Variants in DCHS1 observed in about 807,000 individuals in gnomAD.
DCHS1 encodes the protein dachsous cadherin-related 1.
A neutral mutation model predicts 213.9 loss-of-function variants in DCHS1; 78 were observed. The observed-to-expected ratio is 0.36, with a 90% CI of 0.30 to 0.44. DCHS1 has a LOEUF of 0.44. Ranked by LOEUF, DCHS1 falls within the 20% of genes least tolerant of loss-of-function variation. DCHS1 has a pLI of 1.00. For missense variants in DCHS1, 3,946 were observed against 4,395.9 expected, an observed-to-expected ratio of 0.90 and a Z score of 2.89; for synonymous variants, 1,828 against 1,873.7, an observed-to-expected ratio of 0.98 and a Z score of 0.63.
Position 6,625,185 on chromosome 11 carries a change from TG to T in DCHS1, c.7146+12del. 6.4e-7 allele frequency: 1 copy of T among 1,570,362 alleles called. No individual in the cohort carries two copies. Among genetic ancestry groups the T allele is most frequent in the Non-Finnish European group, 8.6e-7 (1 of 1,157,048 alleles). On this transcript the variant is annotated intron_variant, in intron 19 of 20. Transcript: ENST00000299441. This position sits in a 1 kb window ranked among gnomAD's most constrained non-coding sequence, Gnocchi z 5.3. ...CCAGGCCCAGGTGTAGGTGGATCCA[TG>T]GGTGTCAATACCTGGTAGAGGCTCT...
Position 6,621,679 on chromosome 11 carries a change from T to A in DCHS1, c.*100A>T. 2 of 1,400,276 alleles carry A rather than the reference T, an allele frequency of 1.4e-6. No homozygotes were observed. The highest frequency in any genetic ancestry group is 2.5e-5 in the South Asian group (2 of 80,566). 86.7% of individuals were successfully genotyped at this position (1,400,276 alleles called of 1,614,324 possible). A position where few individuals can be genotyped will look rare whatever the true frequency, so the allele number is the denominator to read the frequency against. ...CTGGGGCCTGGTGGTGGCCTCCCCG[T>A]AGCCAGTCATAGTCCGAGGCTGCCC... is the stretch of plus-strand genomic sequence containing the variant. On this transcript the variant is annotated 3_prime_UTR_variant, in exon 21 of 21. Transcript: ENST00000299441.
In DCHS1 at chr11:6,640,388, T is replaced by G; in HGVS notation, c.1226A>C (p.Glu409Ala). ...TTGGGTGCTTAGGGCAAAGTGGCCC[T>G]CTCCACCTTCCAGGGACACATTGAC... ...AHVNVSLEGG[E>A]GHFALSTQDS... Residue 409 changes from glutamate (E) to alanine (A), a missense_variant, in exon 2 of 21, where the codon GAG (glutamate) becomes GCG (alanine). Around this residue, in one of 3 missense-constraint regions of DCHS1, gnomAD observed 3,384 missense variants for 3,780.1 expected, o/e 0.90. Transcript: ENST00000299441. This position sits in a 1 kb window ranked among gnomAD's most constrained non-coding sequence, Gnocchi z 6.5. The G allele has an allele frequency of 6.2e-7, 1 of 1,613,768 alleles. No homozygotes were observed. Among genetic ancestry groups the G allele is most frequent in the Non-Finnish European group, 8.5e-7 (1 of 1,179,792 alleles).
At chr11:6,634,469 C>T (rs1296586623) in intron 2 of DCHS1, among the ~76,000 whole-genome samples, 163 bp from the exon 3 acceptor site, 2 of 152,102 alleles carry the variant, frequency 1.3e-5, no homozygotes, top group Non-Finnish European at 2.9e-5. Context: ...TGTACCTCAC[C>T]ATTTAGTTAG....
In DCHS1 at chr11:6,627,185, C is replaced by T. The variant is rs377529145; in HGVS notation, c.5854G>A (p.Asp1952Asn). Residue 1952 changes from aspartate (D) to asparagine (N), a missense_variant, in exon 14 of 21, where the codon GAT becomes AAT. Around this residue, in one of 3 missense-constraint regions of DCHS1, gnomAD observed 3,384 missense variants for 3,780.1 expected, o/e 0.90. Coordinates refer to ENST00000299441, the MANE Select transcript of DCHS1 (RefSeq NM_003737.4). This position sits in a 1 kb window ranked among gnomAD's most constrained non-coding sequence, Gnocchi z 5.4. ...AAGGTGGGTGCATGGTCATTGACAT[C>T]GCGCACCGTGATGGTGACAGACACT... is the stretch of plus-strand genomic sequence containing the variant. ...TTVSVTITVR[D>N]VNDHAPTFPT... The T allele has an allele frequency of 4.3e-6, 7 of 1,612,844 alleles. No homozygotes were observed. The highest frequency in any genetic ancestry group is 5.9e-6 in the Non-Finnish European group (7 of 1,179,534).
Position 6,622,255 on chromosome 11 carries a change from G to A in DCHS1, c.9421C>T (p.Pro3141Ser). ...GDYGFPADGKPCVAGALTAIV... is the reference protein window; with the variant it reads ...GDYGFPADGKSCVAGALTAIV... ...GCTGTCAGCGCACCTGCCACACATG[G>A]CTTGCCATCTGCTGGGAAGCCATAG... The change falls in exon 21 of 21, where the codon CCA (proline) becomes TCA (serine). Residue 3141 changes from proline (P) to serine (S), a missense_variant. Physicochemically the swap from Pro to Ser is moderately conservative, Grantham distance 74 (BLOSUM62 -1). Around this residue, in one of 3 missense-constraint regions of DCHS1, gnomAD observed 554 missense variants for 590.2 expected, o/e 0.94. Transcript: ENST00000299441. This position sits in a 1 kb window ranked among gnomAD's most constrained non-coding sequence, Gnocchi z 5.4. 1 of 1,603,504 alleles carries A rather than the reference G, an allele frequency of 6.2e-7. No homozygotes were observed. Among genetic ancestry groups the A allele is most frequent in the Non-Finnish European group, 8.5e-7 (1 of 1,176,312 alleles).
At chr11:6,649,857 G>A (rs1271002489) in intron 1 of DCHS1, among the ~76,000 whole-genome samples, 3 of 152,324 alleles carry the variant, frequency 2.0e-5, no homozygotes, top group Non-Finnish European at 2.9e-5. Context: ...AATGTTGAAG[G>A]AGAAGAACAA....
Position 6,621,762 on chromosome 11 carries a change from C to T in DCHS1, c.*17G>A. Reference sequence around the variant, plus strand: ...ACACTGTGCGCATCCCAGGTCGGGGCCCAGCCTGGGCCACAGCTAGATGTG... The same window carrying T: ...ACACTGTGCGCATCCCAGGTCGGGGTCCAGCCTGGGCCACAGCTAGATGTG... On this transcript the variant is annotated 3_prime_UTR_variant, in exon 21 of 21. Coordinates refer to ENST00000299441, the MANE Select transcript of DCHS1 (RefSeq NM_003737.4). The T allele has an allele frequency of 6.4e-7, 1 of 1,562,198 alleles. No homozygotes were observed. The highest frequency in any genetic ancestry group is 1.2e-5 in the South Asian group (1 of 85,124).
Position 6,630,219 on chromosome 11 carries a change from A to C in DCHS1, c.4575T>G (p.Arg1525=), listed in dbSNP as rs1406091535. The change falls in exon 10 of 21, where the codon CGT becomes CGG. Residue 1525 remains arginine, a synonymous_variant. Coordinates refer to ENST00000299441, the MANE Select transcript of DCHS1 (RefSeq NM_003737.4). ...ATDRPANASR[R]RAARVSARVF... is the part of the protein sequence containing the mutation. Reference sequence around the variant, plus strand: ...CGCGCGCTGAAACGCGCGCTGCACGACGGCGGCTGGCGTTGGCGGGCCGGT... The same window carrying C: ...CGCGCGCTGAAACGCGCGCTGCACGCCGGCGGCTGGCGTTGGCGGGCCGGT... The C allele has an allele frequency of 6.4e-7, 1 of 1,563,646 alleles. No homozygotes were observed. The highest frequency in any genetic ancestry group is 8.6e-7 in the Non-Finnish European group (1 of 1,156,756).
At position 6,630,140 on chromosome 11, in the gene DCHS1, C is replaced by T; in HGVS notation, c.4654G>A (p.Val1552Met). 1.2e-6 allele frequency: 2 copies of T among 1,604,372 alleles called. No individual in the cohort carries two copies. The highest frequency in any genetic ancestry group is 1.7e-6 in the Non-Finnish European group (2 of 1,174,878). ...GGCGGCTGGTCCTCTGGGAGGCGCA[C>T]GCGTGACGGCGAGGCGAAGACAGGC... ...NAPVFASPSR[V>M]RLPEDQPPGP... The change falls in exon 10 of 21, where the codon GTG becomes ATG. Residue 1552 changes from valine (V) to methionine (M), a missense_variant. By Grantham distance (21) the Val-to-Met change is conservative. This residue lies in a region of DCHS1 where 3,384 missense variants were observed against 3,780.1 expected (regional missense o/e 0.90). Transcript: ENST00000299441.
Position 6,625,904 on chromosome 11 carries a change from C to T in DCHS1, c.6731+16G>A. Reference sequence around the variant, plus strand: ...GGCCCAAGATGGGGTCTTGGGTCCACAGGGCCAGGCCTCACCGTGTTTCAG... The same window carrying T: ...GGCCCAAGATGGGGTCTTGGGTCCATAGGGCCAGGCCTCACCGTGTTTCAG... On this transcript the variant is annotated intron_variant, in intron 17 of 20. Transcript: ENST00000299441. The surrounding 1 kb of genome is among the most constrained non-coding windows in gnomAD (Gnocchi z 5.3). 6.2e-7 allele frequency: 1 copy of T among 1,611,220 alleles called. No homozygotes were observed. Among genetic ancestry groups the T allele is most frequent in the Non-Finnish European group, 8.5e-7 (1 of 1,178,766 alleles).
rs1223447445 is a variant in DCHS1 at position 6,640,747 on chromosome 11, A to C, written c.867T>G (p.Ala289=). The C allele has an allele frequency of 1.2e-6, 2 of 1,613,990 alleles. No homozygotes were observed. The highest frequency in any genetic ancestry group is 1.6e-4 in the Middle Eastern group (1 of 6,062). ...ASDADAGVNG[A]VTYEINRRQS... Reference sequence around the variant, plus strand: ...GCCTCCGGTTGATCTCGTAAGTCACAGCCCCATTGACACCAGCATCGGCAT... The same window carrying C: ...GCCTCCGGTTGATCTCGTAAGTCACCGCCCCATTGACACCAGCATCGGCAT... Residue 289 remains alanine (A), a synonymous_variant, in exon 2 of 21, where the codon GCT becomes GCG. Coordinates refer to ENST00000299441, the MANE Select transcript of DCHS1 (RefSeq NM_003737.4). The surrounding 1 kb of genome is among the most constrained non-coding windows in gnomAD (Gnocchi z 6.5).
At chr11:6,648,121 A>G (rs1372128679) in intron 1 of DCHS1, among the ~76,000 whole-genome samples, 1 of 152,230 alleles carries the variant, frequency 6.6e-6, no homozygotes, top group Non-Finnish European at 1.5e-5. Context: ...AAGATATTCA[A>G]GCACAGCTGG....
chr11:6,621,530 G>T lies in DCHS1; in HGVS notation c.*249C>A. The T allele has an allele frequency of 1.6e-6, 1 of 638,972 alleles. No homozygotes were observed. The allele number at this position is 638,972 out of a possible 1,614,324, so 39.6% of individuals were successfully genotyped here. Reference sequence around the variant, plus strand: ...TGCAGGGCAGGGATCCCTCACTGAGGAGAACCCAGGGCTGCTACCTCCTTC... The same window carrying T: ...TGCAGGGCAGGGATCCCTCACTGAGTAGAACCCAGGGCTGCTACCTCCTTC... On this transcript the variant is annotated 3_prime_UTR_variant, in exon 21 of 21. Coordinates refer to ENST00000299441, the MANE Select transcript of DCHS1 (RefSeq NM_003737.4).
rs1202416855 is a variant in DCHS1, at chr11:6,641,131, G to A, written c.483C>T (p.Arg161=). The change falls in exon 2 of 21, where the codon CGC becomes CGT. Residue 161 remains arginine, a synonymous_variant. Coordinates refer to ENST00000299441, the MANE Select transcript of DCHS1 (RefSeq NM_003737.4). The surrounding 1 kb of genome is among the most constrained non-coding windows in gnomAD (Gnocchi z 7.1). ...CATCACGAGCAGGCTCCAGTGGGTA[G>A]CGGGTGCCAAAAGCTGTATGCTCAG... ...QVPEHTAFGT[R]YPLEPARDAD... is the part of the protein sequence containing the mutation. 1.2e-6 allele frequency: 2 copies of A among 1,613,702 alleles called. No individual in the cohort carries two copies. The highest frequency in any genetic ancestry group is 1.3e-5 in the African/African-American group (1 of 74,944).
In DCHS1 at chr11:6,630,251, C is replaced by A; in HGVS notation, c.4543G>T (p.Ala1515Ser). ...TTPALLLLVE[A>S]TDRPANASRR... The stretch of plus-strand genomic sequence containing the variant: ...CTGGCGTTGGCGGGCCGGTCGGTGG[C>A]TTCCACCAGCAGCAGCAGCGCGGGA... The change falls in exon 10 of 21, where the codon GCC becomes TCC. Residue 1515 changes from alanine (A) to serine (S), a missense_variant. Transcript: ENST00000299441. 6.5e-7 allele frequency: 1 copy of A among 1,545,288 alleles called. No homozygotes were observed.
chr11:6,653,888 A>G (rs1856279949), intron 1 of DCHS1, among the ~76,000 whole-genome samples: 1 of 152,220 alleles, frequency 6.6e-6, no homozygotes, highest in African/African-American at 2.4e-5. Flanking sequence ...GAGCGAGAAC[A>G]TCTGAAAGCT....
At chr11:6,633,135 A>G (rs1855938179) in intron 5 of DCHS1, 79 bp from the exon 6 acceptor site, 1 of 1,488,304 alleles carries the variant, frequency 6.7e-7, no homozygotes, top group Admixed American at 2.0e-5. Context: ...GATCCCGAGA[A>G]GGACTGGGCA....
chr11:6,640,495 G>C lies in DCHS1; in HGVS notation c.1119C>G (p.Pro373=), dbSNP rs751045847. 15 of 1,613,322 alleles carry C rather than the reference G, an allele frequency of 9.3e-6. No homozygotes were observed. The highest frequency in any genetic ancestry group is 1.6e-4 in the Middle Eastern group (1 of 6,062). ...TVIFLSADGS[P]QVSEAAPPGQ... ...CAGGTGGGGCGGCCTCAGACACTTG[G>C]GGGGAGCCATCTGCACTGAGAAAGA... The change falls in exon 2 of 21, where the codon CCC becomes CCG. Residue 373 remains proline (P), a synonymous_variant. Coordinates refer to ENST00000299441, the MANE Select transcript of DCHS1 (RefSeq NM_003737.4). The surrounding 1 kb of genome is among the most constrained non-coding windows in gnomAD (Gnocchi z 6.5).
rs778342560 is a variant in DCHS1 at position 6,628,637 on chromosome 11, C to T, written c.5355G>A (p.Leu1785=). The change falls in exon 13 of 21, where the codon TTG becomes TTA. Residue 1785 remains leucine (L), a synonymous_variant. Transcript: ENST00000299441. The surrounding 1 kb of genome is among the most constrained non-coding windows in gnomAD (Gnocchi z 4.3). ...GGTTCTCACCTAGGATGCGGTACTG[C>T]AACTGCCCATTGGCTCCCACATCTG... ...SDPDVGANGQ[L]QYRILDGDPS... is the part of the protein sequence containing the mutation. 1.9e-6 allele frequency: 3 copies of T among 1,613,920 alleles called. No homozygotes were observed. The highest frequency in any genetic ancestry group is 2.2e-5 in the East Asian group (1 of 44,908).
Sources: allele counts gnomAD v4.1 joint callset (sites outside exome capture counted in the v4.1 genomes callset), GRCh38; gene constraint gnomAD v4.1.1; regional missense constraint gnomAD v4.1.1; non-coding constraint Gnocchi (gnomAD v3.1); transcripts MANE v1.5; gene names NCBI Gene and HGNC (gene_info 2026-07-23, HGNC 2026-07-21).